GPC6: variants seen among roughly 807,000 people sequenced by gnomAD.
GPC6 encodes glypican 6.
A neutral mutation model predicts 55.2 loss-of-function variants in GPC6; 14 were observed. That is an observed-to-expected ratio of 0.25 (90% CI 0.17 to 0.40). The LOEUF is 0.40. Ranked by LOEUF, GPC6 falls within the 10% of genes least tolerant of loss-of-function variation. GPC6 has a pLI of 1.00. For missense variants in GPC6, 641 were observed against 708.5 expected (o/e 0.90, Z 1.08); for synonymous variants, 278 against 259.6 (o/e 1.07, Z -0.68).
intron 3 of GPC6, among the ~76,000 whole-genome samples, chr13:93,864,097 A>C (rs554562337): frequency 4.0e-5 from 6 of 151,804 alleles, no homozygotes; most frequent in Admixed American, 3.9e-4. Flanking sequence ...TTTTGGATAT[A>C]CCATAATCCT....
At chr13:93,618,719 T>A (rs1878826615) in intron 2 of GPC6, among the ~76,000 whole-genome samples, 1 of 152,150 alleles carries the variant, frequency 6.6e-6, no homozygotes, top group Non-Finnish European at 1.5e-5. Flanking sequence ...TTATTGAAAA[T>A]GTATCAATAT....
chr13:93,571,594 A>T (rs1302168647), intron 2 of GPC6, among the ~76,000 whole-genome samples: 1 of 152,164 alleles, frequency 6.6e-6, no homozygotes, highest in Non-Finnish European at 1.5e-5. Context: ...ACAGGGAAGG[A>T]TTTAACTATT....
At chr13:93,395,236 A>G (rs1270047290) in intron 1 of GPC6, 8 of 415,122 alleles carry the variant, frequency 1.9e-5, no homozygotes, top group Admixed American at 1.4e-4. Context: ...CATTCCCACC[A>G]GAACCACTTG....
chr13:93,778,164 G>T (rs1161414701), intron 2 of GPC6, among the ~76,000 whole-genome samples: 1 of 152,170 alleles, frequency 6.6e-6, no homozygotes, highest in Non-Finnish European at 1.5e-5. Flanking sequence ...TGCTGGTAGA[G>T]GGATGTTCAA....
intron 2 of GPC6, 63 bp from the exon 3 acceptor site, chr13:93,830,091 A>G: frequency 8.3e-7 from 1 of 1,200,344 alleles, no homozygotes; most frequent in Non-Finnish European, 1.2e-6. Flanking sequence ...TACTTAAGGT[A>G]AGTGGGTGCC....
At chr13:93,832,426 A>G (rs1356392307) in intron 3 of GPC6, among the ~76,000 whole-genome samples, 2 of 152,112 alleles carry the variant, frequency 1.3e-5, no homozygotes, top group African/African-American at 4.8e-5. Context: ...ATTTTGTTGA[A>G]GGATAAACAT....
In GPC6 at chr13:93,311,956, A is replaced by G. The variant is rs571689856; in HGVS notation, c.160+84340A>G. ...GCTCCTGATGGGAGGTAAAAAAGAA[A>G]GAAGCTAAAGAGAAAATGCACACCT... is the stretch of plus-strand genomic sequence containing the variant. On this transcript the variant is annotated intron_variant, in intron 1 of 8. Coordinates refer to ENST00000377047, the MANE Select transcript of GPC6 (RefSeq NM_005708.5). Among the ~76,000 whole-genome samples, 3 of 152,344 alleles carry G rather than the reference A, an allele frequency of 2.0e-5. No individual in the cohort carries two copies. The East Asian group carries it at 5.8e-4, about 29-fold the overall frequency.
intron 4 of GPC6, among the ~76,000 whole-genome samples, chr13:94,284,464 T>C (rs568633543): frequency 6.6e-6 from 1 of 152,082 alleles, no homozygotes; most frequent in South Asian, 2.1e-4. Context: ...ATGTTTTTTT[T>C]TTAATTTTTT....
At chr13:93,910,415 A>G (rs1259516156) in intron 3 of GPC6, among the ~76,000 whole-genome samples, 1 of 152,014 alleles carries the variant, frequency 6.6e-6, no homozygotes, top group Non-Finnish European at 1.5e-5. Context: ...ATCTAGTCTC[A>G]GATATATCTT....
At chr13:94,109,973 T>G (rs1886183005) in intron 4 of GPC6, among the ~76,000 whole-genome samples, 1 of 151,074 alleles carries the variant, frequency 6.6e-6, no homozygotes, top group Non-Finnish European at 1.5e-5. Context: ...TCTTTAAAGC[T>G]TCAGTTGTAA....
chr13:93,795,522 A>G lies in GPC6; in HGVS notation c.320-34632A>G, dbSNP rs546060908. 2.6e-4 allele frequency among the ~76,000 whole-genome samples: 39 copies of G among 152,338 alleles called. 1 individual carries two copies. The South Asian group carries it at 7.7e-3, about 30-fold the overall frequency. ...TGTAGAAACTCATCTTCTACAAGCT[A>G]TACAAAGCAATCCCTTATCTGTTAG... is the stretch of plus-strand genomic sequence containing the variant. On this transcript the variant is annotated intron_variant, in intron 2 of 8. Coordinates refer to ENST00000377047, the MANE Select transcript of GPC6 (RefSeq NM_005708.5).
intron 5 of GPC6, among the ~76,000 whole-genome samples, chr13:94,303,032 C>T (rs957459319): frequency 6.6e-6 from 1 of 152,196 alleles, no homozygotes; most frequent in Non-Finnish European, 1.5e-5. Flanking sequence ...AGTGGACACC[C>T]GCGGGATCCG....
intron 2 of GPC6, among the ~76,000 whole-genome samples, chr13:93,622,210 G>T (rs555189081): frequency 3.3e-5 from 5 of 152,262 alleles, no homozygotes; most frequent in African/African-American, 1.2e-4. Flanking sequence ...TATGTAAAAT[G>T]ATATAAGTTG....
At chr13:93,542,507 G>T (rs1327474823) in intron 1 of GPC6, among the ~76,000 whole-genome samples, 1 of 152,096 alleles carries the variant, frequency 6.6e-6, no homozygotes, top group African/African-American at 2.4e-5. Context: ...GGTGATGCGG[G>T]CTCCTTTTTG....
chr13:93,388,607 G>A (rs1325298795), intron 1 of GPC6, among the ~76,000 whole-genome samples: 1 of 152,104 alleles, frequency 6.6e-6, no homozygotes, highest in Non-Finnish European at 1.5e-5. Context: ...CAGATTAAAA[G>A]GTGGCCTTAC....
At chr13:93,992,006 C>T (rs1251242586) in intron 3 of GPC6, among the ~76,000 whole-genome samples, 2 of 151,600 alleles carry the variant, frequency 1.3e-5, no homozygotes, top group Admixed American at 6.6e-5. Flanking sequence ...ATATATAATA[C>T]ATCATATTTA....
intron 1 of GPC6, among the ~76,000 whole-genome samples, chr13:93,474,593 T>G (rs192452550): frequency 5.1e-4 from 77 of 152,290 alleles, no homozygotes; most frequent in Non-Finnish European, 9.9e-4. Context: ...CCCAGTGTGT[T>G]GAGTTCAGCC....
chr13:93,870,607 C>T lies in GPC6; in HGVS notation c.711+40062C>T, dbSNP rs185862919. Among the ~76,000 whole-genome samples, 151 of 151,868 alleles carry T rather than the reference C, an allele frequency of 9.9e-4. 1 individual carries two copies. The highest frequency in any genetic ancestry group is 1.8e-3 in the Non-Finnish European group (120 of 67,878). On this transcript the variant is annotated intron_variant, in intron 3 of 8. Coordinates refer to ENST00000377047, the MANE Select transcript of GPC6 (RefSeq NM_005708.5). ...CTAGTATCTCAGGATGTGACTATAT[C>T]TGGAGAGAGGGCCTTCAAAGAGGTA...
At chr13:93,873,969 T>G (rs561548371) in intron 3 of GPC6, among the ~76,000 whole-genome samples, 1 of 152,092 alleles carries the variant, frequency 6.6e-6, no homozygotes, top group South Asian at 2.1e-4. Flanking sequence ...CCATCATGTC[T>G]TGCCTGGATT....
Sources: allele counts gnomAD v4.1 joint callset (sites outside exome capture counted in the v4.1 genomes callset), GRCh38; gene constraint gnomAD v4.1.1; transcripts MANE v1.5; gene names NCBI Gene and HGNC (gene_info 2026-07-23, HGNC 2026-07-21).